Variants in CLEC2D observed in about 807,000 individuals in gnomAD.
CLEC2D encodes C-type lectin related f.
CLEC2D carries 16 observed loss-of-function variants against 20.0 expected under a neutral mutation model. That is an observed-to-expected ratio of 0.80 (90% CI 0.54 to 1.22). The LOEUF (loss-of-function observed/expected upper bound fraction) is 1.22, where lower values mean the gene tolerates loss of function less well. Among genes scored for constraint, CLEC2D ranks in the 50% most tolerant of loss-of-function variants. CLEC2D has a pLI of 0.00. For missense variants in CLEC2D, 207 were observed against 221.5 expected, an observed-to-expected ratio of 0.93 and a Z score of 0.42; for synonymous variants, 77 against 71.1, an observed-to-expected ratio of 1.08 and a Z score of -0.42.
At chr12:9,671,711 T>G (rs1486722853) in intron 1 of CLEC2D, among the ~76,000 whole-genome samples, 1 of 152,162 alleles carries the variant, frequency 6.6e-6, no homozygotes, top group East Asian at 1.9e-4. Flanking sequence ...CTCTAGTGCT[T>G]CTCCTGGAGC....
chr12:9,670,672 T>G (rs954125533), intron 1 of CLEC2D, among the ~76,000 whole-genome samples: 2 of 152,242 alleles, frequency 1.3e-5, no homozygotes, highest in African/African-American at 4.8e-5. Flanking sequence ...TGAACAAATA[T>G]TTAGTTAGAC....
chr12:9,688,119 TC>T, intron 3 of CLEC2D, 33 bp downstream of exon 3: 3 of 1,536,108 alleles, frequency 2.0e-6, no homozygotes, highest in Non-Finnish European at 2.6e-6. Context: ...AATCAAAGAT[TC>T]AGCCCTACAA....
At position 9,694,783 on chromosome 12, in the gene CLEC2D, AG is replaced by A. The variant is rs1446820506; in HGVS notation, c.486del (p.Glu162AspfsTer5). 2 of 1,611,116 alleles carry A rather than the reference AG, an allele frequency of 1.2e-6. No individual in the cohort carries two copies. Among genetic ancestry groups the A allele is most frequent in the Non-Finnish European group, 1.7e-6 (2 of 1,177,392 alleles). On this transcript the variant is annotated frameshift_variant, in exon 5 of 5. Transcript: ENST00000290855. LOFTEE classifies it low-confidence loss of function (END_TRUNC). Reference protein sequence around the residue: ...TRQFPILGAGECAYLNDKGAS... With the variant: ...TRQFPILGAGXCAYLNDKGAS... ...AGGTTTCCTATCCTGGGAGCAGGAGAGTGTGCCTATTTGAATGACAAAGGTG... is the reference window on the plus strand; with the variant it reads ...AGGTTTCCTATCCTGGGAGCAGGAGATGTGCCTATTTGAATGACAAAGGTG...
chr12:9,686,609 A>G (rs970028879), intron 2 of CLEC2D, among the ~76,000 whole-genome samples: 3 of 152,184 alleles, frequency 2.0e-5, no homozygotes, highest in African/African-American at 7.2e-5. Flanking sequence ...GATTCTATGA[A>G]TACCCAGCAT....
chr12:9,696,247 A>G lies in CLEC2D; in HGVS notation c.*1373A>G, dbSNP rs1865991764. The G allele has an allele frequency of 7.5e-6, 6 of 798,316 alleles. No individual in the cohort carries two copies. The highest frequency in any genetic ancestry group is 1.1e-5 in the Non-Finnish European group (5 of 456,896). 49.5% of individuals were successfully genotyped at this position (798,316 alleles called of 1,614,324 possible). The stretch of plus-strand genomic sequence containing the variant: ...GTCTCTTTAAGAAAATAGTTTAAAC[A>G]ATTTGTTAAAAATTTTCCATCTTAT... On this transcript the variant is annotated 3_prime_UTR_variant, in exon 5 of 5. Coordinates refer to ENST00000290855, the MANE Select transcript of CLEC2D (RefSeq NM_013269.6).
chr12:9,693,836 TAC>T (rs1298096410), intron 4 of CLEC2D: 1 of 446,342 alleles, frequency 2.2e-6, no homozygotes, highest in East Asian at 7.5e-5. Flanking sequence ...GACAGGGTCT[TAC>T]TCTGTTACCC....
intron 1 of CLEC2D, among the ~76,000 whole-genome samples, chr12:9,680,609 G>A (rs973925411): frequency 1.3e-4 from 20 of 152,112 alleles, no homozygotes; most frequent in Non-Finnish European, 2.5e-4. Context: ...ACAGGAATCA[G>A]AATAATTTGC....
chr12:9,686,984 C>T (rs986957568), intron 2 of CLEC2D, among the ~76,000 whole-genome samples: 3 of 152,146 alleles, frequency 2.0e-5, no homozygotes, highest in Non-Finnish European at 2.9e-5. Context: ...CTTCATTTTA[C>T]CAAGTCATCT....
intron 2 of CLEC2D, among the ~76,000 whole-genome samples, chr12:9,684,748 A>G (rs1223994429): frequency 1.3e-5 from 2 of 152,108 alleles, no homozygotes; most frequent in African/African-American, 4.8e-5. Context: ...ATCGTGGTGG[A>G]TAAGCTTTTG....
chr12:9,670,643 G>T (rs1239525200), intron 1 of CLEC2D, among the ~76,000 whole-genome samples: 4 of 152,140 alleles, frequency 2.6e-5, no homozygotes, highest in African/African-American at 9.7e-5. Flanking sequence ...TGTAATTTTG[G>T]ATTGTAATTT....
chr12:9,689,911 G>A (rs760405814), intron 3 of CLEC2D, among the ~76,000 whole-genome samples: 43 of 152,072 alleles, frequency 2.8e-4, no homozygotes, highest in African/African-American at 9.9e-4. Flanking sequence ...TAGAAATCCA[G>A]GAAAGAGAAG....
Position 9,695,663 on chromosome 12 carries a change from T to G in CLEC2D, c.*789T>G, listed in dbSNP as rs1462762033. On this transcript the variant is annotated 3_prime_UTR_variant, in exon 5 of 5. Coordinates refer to ENST00000290855, the MANE Select transcript of CLEC2D (RefSeq NM_013269.6). ...ACGGTTTCTCTTGGGGGCTTTGAAA[T>G]AACACCACCAGTGGACTTAAGGTTG... 7 of 1,575,934 alleles carry G rather than the reference T, an allele frequency of 4.4e-6. No individual in the cohort carries two copies. The East Asian group carries it at 1.3e-4, about 30-fold the overall frequency.
At chr12:9,693,247 C>A in intron 4 of CLEC2D, 1 of 647,468 alleles carries the variant, frequency 1.5e-6, no homozygotes, top group Non-Finnish European at 2.8e-6. Context: ...TTGCACTTGT[C>A]CTCCTGATTT....
chr12:9,683,664 G>A (rs1865692446), intron 2 of CLEC2D, among the ~76,000 whole-genome samples: 1 of 152,156 alleles, frequency 6.6e-6, no homozygotes, highest in Non-Finnish European at 1.5e-5. Flanking sequence ...TGTCAGGTTT[G>A]TCAAAGATCA....
intron 1 of CLEC2D, among the ~76,000 whole-genome samples, chr12:9,679,675 C>T (rs943535053): frequency 3.3e-5 from 5 of 152,120 alleles, no homozygotes; most frequent in African/African-American, 1.2e-4. Flanking sequence ...TTTCTGTCAA[C>T]TTAAACTGAT....
intron 4 of CLEC2D, among the ~76,000 whole-genome samples, chr12:9,694,539 T>A (rs750316197): frequency 6.6e-6 from 1 of 152,332 alleles, no homozygotes; most frequent in African/African-American, 2.4e-5. Flanking sequence ...CTTACAGACA[T>A]GAAATAGGTT....
chr12:9,678,742 C>A (rs897959602), intron 1 of CLEC2D, among the ~76,000 whole-genome samples: 1 of 152,090 alleles, frequency 6.6e-6, no homozygotes, highest in East Asian at 1.9e-4. Context: ...GTCTTTGCTA[C>A]GTTGCCCAGG....
At chr12:9,686,471 A>G (rs570019496) in intron 2 of CLEC2D, among the ~76,000 whole-genome samples, 129 of 152,126 alleles carry the variant, frequency 8.5e-4, no homozygotes, top group Non-Finnish European at 1.6e-3. Context: ...ACCAAACCAG[A>G]TACAATACAC....
chr12:9,697,770 G>A lies in CLEC2D; in HGVS notation c.*2896G>A, dbSNP rs1484126447. ...ATAGAGTAGAATGGTGGTTACCAGA[G>A]ATGAGGAAAATACAGAGACACAGGT... On this transcript the variant is annotated 3_prime_UTR_variant, in exon 5 of 5. Coordinates refer to ENST00000290855, the MANE Select transcript of CLEC2D (RefSeq NM_013269.6). 1 of 152,072 alleles carries A rather than the reference G, an allele frequency of 6.6e-6. No individual in the cohort carries two copies. Among genetic ancestry groups the A allele is most frequent in the African/African-American group, 2.4e-5 (1 of 41,394 alleles). The allele number at this position is 152,072 out of a possible 1,614,324, so 9.4% of individuals were successfully genotyped here. A position where few individuals can be genotyped will look rare whatever the true frequency, so the allele number is the denominator to read the frequency against.
Sources: allele counts gnomAD v4.1 joint callset (sites outside exome capture counted in the v4.1 genomes callset), GRCh38; gene constraint gnomAD v4.1.1; transcripts MANE v1.5; gene names NCBI Gene and HGNC (gene_info 2026-07-23, HGNC 2026-07-21).